Variants in TMEM135 observed in about 807,000 individuals in gnomAD.
The protein encoded by TMEM135 is peroxisomal membrane protein 52.
TMEM135 carries 30 observed loss-of-function variants against 60.3 expected under a neutral mutation model. That is an observed-to-expected ratio of 0.50 (90% confidence interval 0.37 to 0.68). The LOEUF (loss-of-function observed/expected upper bound fraction) is 0.68, where lower values mean the gene tolerates loss of function less well. Among genes scored for constraint, TMEM135 ranks in the 30% least tolerant of loss-of-function variants. TMEM135 has a pLI of 0.00. For missense variants in TMEM135, 468 were observed against 548.8 expected (o/e 0.85, Z 1.47); for synonymous variants, 190 against 186.7 (o/e 1.02, Z -0.14).
intron 6 of TMEM135, among the ~76,000 whole-genome samples, chr11:87,256,618 G>A (rs1319042551): frequency 6.6e-6 from 1 of 152,126 alleles, no homozygotes; most frequent in Non-Finnish European, 1.5e-5. Context: ...GAGTATTTTA[G>A]AGGACAATGG....
chr11:87,246,856 A>G (rs1333063793), intron 6 of TMEM135, among the ~76,000 whole-genome samples: 1 of 116,962 alleles, frequency 8.5e-6, no homozygotes, highest in Non-Finnish European at 1.9e-5. Context: ...TCAACTCGTC[A>G]AAGTCATTCT....
chr11:87,129,904 A>G (rs1340502528), intron 4 of TMEM135, among the ~76,000 whole-genome samples: 2 of 144,480 alleles, frequency 1.4e-5, no homozygotes, highest in Non-Finnish European at 3.0e-5. Flanking sequence ...TTTGGAAAAA[A>G]TGTACCCTAA....
Position 87,110,387 on chromosome 11 carries a change from C to T in TMEM135, c.396+18992C>T, listed in dbSNP as rs566671392. Among the ~76,000 whole-genome samples the T allele has an allele frequency of 3.3e-5, 5 of 151,612 alleles. No individual in the cohort carries two copies. In the East Asian group the frequency reaches 7.8e-4, roughly 24 times the overall value. On this transcript the variant is annotated intron_variant, in intron 4 of 14. Transcript: ENST00000305494. ...CTGAAGCAGGACAATTGCTTGAGCC[C>T]GAGAGTTTGAGGTTATAGTGAGCCA...
chr11:87,181,430 C>T (rs1200351371), intron 5 of TMEM135, among the ~76,000 whole-genome samples: 2 of 152,052 alleles, frequency 1.3e-5, no homozygotes, highest in African/African-American at 2.4e-5. Flanking sequence ...TAGCTGAAAA[C>T]GTTCATCTTT....
chr11:87,244,729 A>T (rs1164056375), intron 6 of TMEM135, among the ~76,000 whole-genome samples: 3 of 139,824 alleles, frequency 2.1e-5, no homozygotes, highest in Non-Finnish European at 3.1e-5. Flanking sequence ...CATCTATTTG[A>T]TTCTTCTCTC....
intron 10 of TMEM135, among the ~76,000 whole-genome samples, chr11:87,312,827 A>C (rs999147305): frequency 6.6e-6 from 1 of 151,926 alleles, no homozygotes; most frequent in Non-Finnish European, 1.5e-5. Context: ...TTAGATAGTT[A>C]ATTCACTTTT....
chr11:87,110,279 C>G (rs563573429), intron 4 of TMEM135, among the ~76,000 whole-genome samples: 17 of 152,228 alleles, frequency 1.1e-4, no homozygotes, highest in South Asian at 8.3e-4. Flanking sequence ...AGAACACTAG[C>G]TCTAGAGTTA....
At chr11:87,075,903 T>A (rs59987242) in intron 3 of TMEM135, among the ~76,000 whole-genome samples, 4 of 55,642 alleles carry the variant, frequency 7.2e-5, no homozygotes, top group East Asian at 3.0e-3. Context: ...TCTCTCTCTC[T>A]CTGTGTGCTG....
At position 87,225,863 on chromosome 11, in the gene TMEM135, G is replaced by A. The variant is rs1940754640; in HGVS notation, c.463-10775G>A. Among the ~76,000 whole-genome samples, 3 of 152,076 alleles carry A rather than the reference G, an allele frequency of 2.0e-5. No individual in the cohort carries two copies. The South Asian group carries it at 6.2e-4, about 32-fold the overall frequency. ...GTCCAATTGCCTTATCTTTAAAGTA[G>A]GAATGGTAAAAACTTGTCTAGTGCC... On this transcript the variant is annotated intron_variant, in intron 5 of 14. Transcript: ENST00000305494.
chr11:87,313,995 C>T (rs188070198), intron 11 of TMEM135, among the ~76,000 whole-genome samples: 9 of 151,714 alleles, frequency 5.9e-5, no homozygotes, highest in South Asian at 4.2e-4. Flanking sequence ...TATTAGTATT[C>T]GACACCTCCC....
At chr11:87,150,065 A>T (rs917986370) in intron 4 of TMEM135, among the ~76,000 whole-genome samples, 28 of 152,010 alleles carry the variant, frequency 1.8e-4, no homozygotes, top group African/African-American at 6.3e-4. Flanking sequence ...AAATACAAAA[A>T]AATTAGCTGG....
At chr11:87,260,002 TG>T (rs1206555485) in intron 6 of TMEM135, among the ~76,000 whole-genome samples, 1 of 152,218 alleles carries the variant, frequency 6.6e-6, no homozygotes, top group African/African-American at 2.4e-5. Flanking sequence ...AACACAGCTT[TG>T]GGTTTTCAAG....
At chr11:87,287,121 T>C (rs1230198369) in intron 6 of TMEM135, among the ~76,000 whole-genome samples, 1 of 152,172 alleles carries the variant, frequency 6.6e-6, no homozygotes, top group Non-Finnish European at 1.5e-5. Context: ...TTACTCCAAT[T>C]GAATAATTTG....
chr11:87,299,720 T>C (rs1201240277), intron 7 of TMEM135, among the ~76,000 whole-genome samples: 1 of 152,216 alleles, frequency 6.6e-6, no homozygotes, highest in Middle Eastern at 3.2e-3. Flanking sequence ...TAATTTTAAC[T>C]GTGCTGAAAT....
intron 4 of TMEM135, among the ~76,000 whole-genome samples, chr11:87,149,772 T>C (rs888597281): frequency 6.6e-6 from 1 of 152,242 alleles, no homozygotes; most frequent in Non-Finnish European, 1.5e-5. Context: ...CACATTTACT[T>C]ATACAATTTA....
In TMEM135 at chr11:87,183,135, ATT is replaced by A. The variant is rs772123636; in HGVS notation, c.462+25753_462+25754del. ...AATTAACATGAGTTGGTAATCACTAATTTTTTTTTTTTTTTTTTTTTTTTTGA... is the reference window on the plus strand; with the variant it reads ...AATTAACATGAGTTGGTAATCACTAATTTTTTTTTTTTTTTTTTTTTTTGA... On this transcript the variant is annotated intron_variant, in intron 5 of 14. Coordinates refer to ENST00000305494, the MANE Select transcript of TMEM135 (RefSeq NM_022918.4). Among the ~76,000 whole-genome samples the A allele has an allele frequency of 6.8e-3, 634 of 92,576 alleles. 1 individual carries two copies. Among genetic ancestry groups the A allele is most frequent in the Admixed American group, 7.7e-3 (57 of 7,408 alleles). 60.7% of individuals were successfully genotyped at this position (92,576 alleles called of 152,430 possible).
rs1006810974 is a variant in TMEM135 at position 87,321,765 on chromosome 11, C to G, written c.*432C>G. The G allele has an allele frequency of 1.1e-5, 5 of 454,736 alleles. No individual in the cohort carries two copies. The highest frequency in any genetic ancestry group is 2.2e-5 in the Non-Finnish European group (5 of 227,038). 28.2% of individuals were successfully genotyped at this position (454,736 alleles called of 1,614,324 possible). On this transcript the variant is annotated 3_prime_UTR_variant, in exon 15 of 15. Coordinates refer to ENST00000305494, the MANE Select transcript of TMEM135 (RefSeq NM_022918.4). Reference sequence around the variant, plus strand: ...AGGATCACGGGTACATGGATTTGGTCTATATATTTTTTTAAAGTTTTGAAT... The same window carrying G: ...AGGATCACGGGTACATGGATTTGGTGTATATATTTTTTTAAAGTTTTGAAT...
At chr11:87,233,419 A>G (rs897795202) in intron 5 of TMEM135, among the ~76,000 whole-genome samples, 1 of 152,094 alleles carries the variant, frequency 6.6e-6, no homozygotes, top group Non-Finnish European at 1.5e-5. Context: ...TAAAACTACA[A>G]GAGAGCTAAC....
intron 8 of TMEM135, among the ~76,000 whole-genome samples, chr11:87,303,776 A>G (rs1275301551): frequency 6.6e-6 from 1 of 152,224 alleles, no homozygotes; most frequent in Non-Finnish European, 1.5e-5. Context: ...GGGTTACCTC[A>G]GTGGAGAAAA....
Sources: gnomAD v4.1 joint callset for allele counts (sites outside exome capture counted in the v4.1 genomes callset) on GRCh38, gnomAD v4.1.1 for gene constraint, MANE v1.5 for transcripts, NCBI Gene and HGNC (gene_info 2026-07-23, HGNC 2026-07-21) for gene names.